Variants in SPMIP7 observed in about 807,000 individuals in gnomAD.
SPMIP7 encodes sperm microtubule inner protein 7.
At chr7:50,138,324 A>T in the SPMIP7 span, among the ~76,000 whole-genome samples, 1 of 152,336 alleles carries the variant, frequency 6.6e-6, no homozygotes, top group African/African-American at 2.4e-5. Context: ...CATTTGCAAA[A>T]ATGAAGTTGA....
At chr7:50,100,812 A>AAATAAATAAATAAATAAAT in the SPMIP7 span, among the ~76,000 whole-genome samples, 1 of 139,278 alleles carries the variant, frequency 7.2e-6, no homozygotes, top group Non-Finnish European at 1.5e-5. Flanking sequence ...ATGCCGTCCA[A>AAATAAATAAATAAATAAAT]AAATAAATAA....
At chr7:50,116,315 A>T in the SPMIP7 span, among the ~76,000 whole-genome samples, 1 of 152,132 alleles carries the variant, frequency 6.6e-6, no homozygotes, top group African/African-American at 2.4e-5. Context: ...GGGTCTCCCC[A>T]TGTTGCCCAA....
At chr7:50,098,380 A>G in the SPMIP7 span, among the ~76,000 whole-genome samples, 11 of 152,198 alleles carry the variant, frequency 7.2e-5, no homozygotes, top group Admixed American at 7.2e-4. Context: ...TAGATGATCC[A>G]GTCTTTGTTA....
chr7:50,112,806 G>A, the SPMIP7 span, among the ~76,000 whole-genome samples: 1 of 152,066 alleles, frequency 6.6e-6, no homozygotes, highest in Non-Finnish European at 1.5e-5. Flanking sequence ...ATTGAGGAGA[G>A]AGATTAGAGT....
chr7:50,111,866 C>A, the SPMIP7 span, among the ~76,000 whole-genome samples: 1 of 152,094 alleles, frequency 6.6e-6, no homozygotes, highest in African/African-American at 2.4e-5. Flanking sequence ...TAAAATAAAT[C>A]TATTCAAAAT....
At chr7:50,106,934 G>T in the SPMIP7 span, among the ~76,000 whole-genome samples, 7 of 150,612 alleles carry the variant, frequency 4.6e-5, no homozygotes, top group Non-Finnish European at 8.9e-5. Flanking sequence ...AACCCCATCT[G>T]TACTAAAAAT....
At chr7:50,152,931 C>T in the SPMIP7 span, among the ~76,000 whole-genome samples, 3 of 152,082 alleles carry the variant, frequency 2.0e-5, no homozygotes, top group Non-Finnish European at 4.4e-5. Flanking sequence ...AAGTGATGCT[C>T]CCGCCTTGGC....
chr7:50,131,048 A>G, the SPMIP7 span, among the ~76,000 whole-genome samples: 2 of 152,168 alleles, frequency 1.3e-5, no homozygotes, highest in Non-Finnish European at 2.9e-5. Flanking sequence ...TCAGACTTAT[A>G]CAAGAAGGTA....
chr7:50,155,169 G>A, the SPMIP7 span, among the ~76,000 whole-genome samples: 42 of 152,042 alleles, frequency 2.8e-4, no homozygotes, highest in South Asian at 8.3e-4. Context: ...TGTTTCCCTC[G>A]CTGCACAGAA....
the SPMIP7 span, chr7:50,104,206 A>G: frequency 5.1e-5 from 22 of 433,000 alleles, no homozygotes; most frequent in East Asian, 8.2e-4. Flanking sequence ...CCATTAAAAA[A>G]TGAATTACGA....
chr7:50,142,735 A>G, the SPMIP7 span: 4 of 152,190 alleles, frequency 2.6e-5, no homozygotes, highest in South Asian at 2.1e-4. Flanking sequence ...CTTTTCAGCC[A>G]TGTGTGTGGC....
the SPMIP7 span, among the ~76,000 whole-genome samples, chr7:50,130,116 G>C: frequency 6.6e-6 from 1 of 152,088 alleles, no homozygotes; most frequent in African/African-American, 2.4e-5. Flanking sequence ...AAATATATTG[G>C]GTACCTATTA....
chr7:50,146,412 A>G, the SPMIP7 span, among the ~76,000 whole-genome samples: 20 of 152,320 alleles, frequency 1.3e-4, no homozygotes, highest in African/African-American at 4.6e-4. Context: ...GCTTTGAGTT[A>G]TACTGTTTCT....
the SPMIP7 span, chr7:50,120,247 A>G: frequency 2.0e-5 from 3 of 152,210 alleles, no homozygotes; most frequent in Admixed American, 2.0e-4. Context: ...CCACTGAGAA[A>G]AGTTTCTAAC....
At chr7:50,120,801 T>C in the SPMIP7 span, among the ~76,000 whole-genome samples, 1 of 152,164 alleles carries the variant, frequency 6.6e-6, no homozygotes, top group Admixed American at 6.6e-5. Flanking sequence ...AAAATAGATA[T>C]CTCTTTAAAT....
At chr7:50,104,849 A>G in the SPMIP7 span, among the ~76,000 whole-genome samples, 1 of 152,182 alleles carries the variant, frequency 6.6e-6, no homozygotes, top group East Asian at 1.9e-4. Flanking sequence ...CATTCTCACT[A>G]GCTTCTTTTC....
chr7:50,104,629 G>A, the SPMIP7 span, among the ~76,000 whole-genome samples: 2 of 152,020 alleles, frequency 1.3e-5, no homozygotes, highest in African/African-American at 4.8e-5. Context: ...AATACCATGG[G>A]GGAGGAGTGA....
At chr7:50,154,058 T>G in the SPMIP7 span, among the ~76,000 whole-genome samples, 1 of 152,232 alleles carries the variant, frequency 6.6e-6, no homozygotes, top group African/African-American at 2.4e-5. Flanking sequence ...ATTTGTTTTT[T>G]TCTCAAGACA....
the SPMIP7 span, among the ~76,000 whole-genome samples, chr7:50,137,762 G>T: frequency 5.3e-5 from 8 of 152,040 alleles, no homozygotes; most frequent in Non-Finnish European, 1.0e-4. Flanking sequence ...GATTACTAAC[G>T]ATCAGTTTTT....
Sources: gnomAD v4.1 joint callset for allele counts (sites outside exome capture counted in the v4.1 genomes callset) on GRCh38, gnomAD v4.1.1 for gene constraint, MANE v1.5 for transcripts, NCBI Gene and HGNC (gene_info 2026-07-23, HGNC 2026-07-21) for gene names.